Variants in BARD1 observed in about 807,000 individuals in gnomAD.
BARD1 encodes the protein BRCA1-associated RING domain protein 1.
In BARD1, 73 loss-of-function variants were observed where a neutral mutation model predicts 77.0. The observed-to-expected ratio is 0.95, with a 90% CI of 0.79 to 1.15. The LOEUF is 1.15. BARD1 is among the 50% of genes most tolerant of loss of function. BARD1 has a pLI of 0.00. For synonymous variants in BARD1, 384 were observed against 338.0 expected, an observed-to-expected ratio of 1.14 and a Z score of -1.49; for missense variants, 993 against 938.8, an observed-to-expected ratio of 1.06 and a Z score of -0.75.
intron 2 of BARD1, chr2:214,796,811 TCCTCCAA>T: frequency 2.0e-6 from 1 of 489,818 alleles, no homozygotes; most frequent in African/African-American, 1.9e-5. Flanking sequence ...TTAATTTTTT[TCCTCCAA>T]TTTGGCAAAG....
intron 2 of BARD1, 21 bp downstream of exon 2, chr2:214,797,035 ATATAC>A: frequency 6.5e-7 from 1 of 1,548,128 alleles, no homozygotes; most frequent in Non-Finnish European, 8.9e-7. Flanking sequence ...CAGTTGTACT[ATATAC>A]ATCAAACCGT....
chr2:214,806,876 G>GAA lies in BARD1; in HGVS notation c.158+2534_158+2535dup, dbSNP rs10636746. 1.6e-3 allele frequency among the ~76,000 whole-genome samples: 219 copies of GAA among 133,594 alleles called. 3 individuals carry two copies. The highest frequency in any genetic ancestry group is 7.2e-3 in the South Asian group (29 of 4,018). 87.6% of individuals were successfully genotyped at this position (133,594 alleles called of 152,430 possible). ...GTGACAGAGTGAAACTTTGCCTAGG[G>GAA]AAAAAAAAAAAAAAAAGGCACCCCA... On this transcript the variant is annotated intron_variant, in intron 1 of 10. Transcript: ENST00000260947.
intron 1 of BARD1, among the ~76,000 whole-genome samples, chr2:214,808,083 A>C (rs1696358912): frequency 6.6e-6 from 1 of 152,264 alleles, no homozygotes; most frequent in African/African-American, 2.4e-5. Context: ...ATATAAGTGC[A>C]AAACTCTGAC....
intron 9 of BARD1, among the ~76,000 whole-genome samples, chr2:214,743,713 G>A (rs1692956684): frequency 6.6e-6 from 1 of 152,106 alleles, no homozygotes; most frequent in East Asian, 1.9e-4. Flanking sequence ...CCTCCCAAGT[G>A]GCTGGGATTA....
intron 4 of BARD1, among the ~76,000 whole-genome samples, chr2:214,778,672 T>C (rs1235847590): frequency 6.6e-6 from 1 of 152,140 alleles, no homozygotes; most frequent in Non-Finnish European, 1.5e-5. Context: ...TTTTATTAGT[T>C]TGCATATTGC....
chr2:214,749,130 G>C (rs1204060143), intron 7 of BARD1, among the ~76,000 whole-genome samples: 2 of 151,676 alleles, frequency 1.3e-5, no homozygotes, highest in Non-Finnish European at 2.9e-5. Flanking sequence ...GACGATGCTA[G>C]AGCTGGGTCT....
intron 9 of BARD1, among the ~76,000 whole-genome samples, chr2:214,739,652 C>G (rs893846426): frequency 1.3e-5 from 2 of 151,190 alleles, no homozygotes; most frequent in Non-Finnish European, 2.9e-5. Flanking sequence ...ACTTCCATAG[C>G]GAAAAGTGAA....
At chr2:214,744,102 A>T (rs1190554108) in intron 9 of BARD1, among the ~76,000 whole-genome samples, 1 of 152,186 alleles carries the variant, frequency 6.6e-6, no homozygotes, top group Non-Finnish European at 1.5e-5. Flanking sequence ...AAGGAGTAGA[A>T]AATAATCGTG....
rs1475472364 is a variant in BARD1, at chr2:214,728,729, T to A, written c.2281A>T (p.Ser761Cys). The A allele has an allele frequency of 6.2e-7, 1 of 1,614,186 alleles. No homozygotes were observed. Among genetic ancestry groups the A allele is most frequent in the Admixed American group, 1.7e-5 (1 of 60,020 alleles). Residue 761 changes from serine to cysteine, a missense_variant, in exon 11 of 11, where the codon AGC becomes TGC. Ser to Cys is a moderately radical substitution (Grantham distance 112). Coordinates refer to ENST00000260947, the MANE Select transcript of BARD1 (RefSeq NM_000465.4). ...RQGKVWKAPSSWFIDCVMSFE... is the reference protein window; with the variant it reads ...RQGKVWKAPSCWFIDCVMSFE... ...GACATCACACAGTCTATAAACCAGC[T>A]CGAAGGAGCCTTCCAGACTTTGCCC...
chr2:214,750,425 C>T (rs1553615909), intron 7 of BARD1, among the ~76,000 whole-genome samples: 1 of 152,186 alleles, frequency 6.6e-6, no homozygotes, highest in Non-Finnish European at 1.5e-5. Flanking sequence ...CTCTTAAACA[C>T]ACGTCATACT....
chr2:214,792,142 T>C (rs1458430879), intron 3 of BARD1, among the ~76,000 whole-genome samples, 155 bp downstream of exon 3: 2 of 141,804 alleles, frequency 1.4e-5, no homozygotes, highest in Admixed American at 1.4e-4. Flanking sequence ...AGAGACTCAA[T>C]GGCTATTTAA....
chr2:214,759,428 T>C (rs75352896), intron 6 of BARD1, among the ~76,000 whole-genome samples: 237 of 152,294 alleles, frequency 1.6e-3, no homozygotes, highest in African/African-American at 5.5e-3. Flanking sequence ...CCAATGATGT[T>C]TTGAACAGTT....
At chr2:214,789,403 T>C (rs1204113230) in intron 3 of BARD1, among the ~76,000 whole-genome samples, 1 of 148,816 alleles carries the variant, frequency 6.7e-6, no homozygotes, top group African/African-American at 2.5e-5. Flanking sequence ...ATTGGCAGGG[T>C]ATGTGGTGGT....
chr2:214,751,097 GTGTGTGTGTGTGTGTGTGTGTATATA>G (rs1243591961), intron 7 of BARD1, among the ~76,000 whole-genome samples: 26 of 11,072 alleles, frequency 2.3e-3, no homozygotes, highest in Admixed American at 5.3e-3. Context: ...GTGTGTGTGT[GTGTGTGTGTGTGTGTGTGTGTATATA>G]TATATATATA....
chr2:214,728,119 T>C lies in BARD1; in HGVS notation c.*557A>G, dbSNP rs1692160498. 4.4e-6 allele frequency: 1 copy of C among 229,294 alleles called. No homozygotes were observed. Among genetic ancestry groups the C allele is most frequent in the African/African-American group, 2.2e-5 (1 of 45,064 alleles). 14.2% of individuals were successfully genotyped at this position (229,294 alleles called of 1,614,324 possible). On this transcript the variant is annotated 3_prime_UTR_variant, in exon 11 of 11. Transcript: ENST00000260947. ...AAGATAAAAAACAGGGATGAAAGTGTAGAAACACACAACAAAGTAAATTAT... is the reference window on the plus strand; with the variant it reads ...AAGATAAAAAACAGGGATGAAAGTGCAGAAACACACAACAAAGTAAATTAT...
rs1693089151 is a variant in BARD1, at chr2:214,745,849, G to A, written c.1683C>T (p.Asn561=). ...GAGGTCCATCCCTACGCTGCCCAGT[G>A]TTCATCTGTTAATATAAAAGGAGAT... is the stretch of plus-strand genomic sequence containing the variant. ...SSSASHCSVM[N]TGQRRDGPLV... Residue 561 remains asparagine, a synonymous_variant, in exon 8 of 11, where the codon AAC becomes AAT. Transcript: ENST00000260947. The A allele has an allele frequency of 6.2e-7, 1 of 1,613,930 alleles. No homozygotes were observed. The highest frequency in any genetic ancestry group is 1.1e-5 in the South Asian group (1 of 91,082).
chr2:214,808,997 G>A (rs1429873295), intron 1 of BARD1, among the ~76,000 whole-genome samples: 3 of 152,236 alleles, frequency 2.0e-5, no homozygotes, highest in East Asian at 1.9e-4. Context: ...GGTCTCCGGG[G>A]CGGCCCGCCA....
Position 214,797,088 on chromosome 2 carries a change from AAACAC to A in BARD1, c.183_187del (p.Cys62ArgfsTer4). ...ACAGAAGATGTGCTCACATCCTCCT[AAACAC>A]ACAGGCTCTCTCAGAATGTTAGTAC... On this transcript the variant is annotated frameshift_variant, in exon 2 of 11. Coordinates refer to ENST00000260947, the MANE Select transcript of BARD1 (RefSeq NM_000465.4). LOFTEE classifies it high-confidence loss of function. 6.2e-7 allele frequency: 1 copy of A among 1,613,094 alleles called. No individual in the cohort carries two copies. Among genetic ancestry groups the A allele is most frequent in the Non-Finnish European group, 8.5e-7 (1 of 1,179,182 alleles).
intron 6 of BARD1, among the ~76,000 whole-genome samples, chr2:214,767,094 C>T (rs1055566468): frequency 4.6e-5 from 7 of 152,060 alleles, no homozygotes; most frequent in African/African-American, 1.7e-4. Flanking sequence ...TCTGTTCATG[C>T]GTTAGTTTAC....
Sources: allele counts gnomAD v4.1 joint callset (sites outside exome capture counted in the v4.1 genomes callset), GRCh38; gene constraint gnomAD v4.1.1; transcripts MANE v1.5; gene names NCBI Gene and HGNC (gene_info 2026-07-23, HGNC 2026-07-21).